The following NME7 variants were observed in gnomAD, a reference collection of about 807,000 sequenced individuals.
The protein encoded by NME7 is nucleoside diphosphate kinase 7.
Under a neutral mutation model 49.1 loss-of-function variants are expected in NME7, and 41 were observed. The observed-to-expected ratio is 0.83, with a 90% CI of 0.65 to 1.08. The LOEUF (loss-of-function observed/expected upper bound fraction) is 1.08. Among genes scored for constraint, NME7 ranks in the 50% least tolerant of loss-of-function variants. The pLI, the probability that NME7 is intolerant of heterozygous loss-of-function variation, is 0.00. For missense variants in NME7, 423 were observed against 463.4 expected (o/e 0.91, Z 0.80); for synonymous variants, 139 against 150.6 (o/e 0.92, Z 0.56).
intron 11 of NME7, among the ~76,000 whole-genome samples, chr1:169,149,106 C>G (rs1029320197): frequency 3.3e-5 from 5 of 152,122 alleles, no homozygotes; most frequent in Admixed American, 3.3e-4. Flanking sequence ...TTTGGGAGGC[C>G]GAGGTGGGTG....
At chr1:169,284,301 T>A (rs1012546703) in intron 7 of NME7, 2 of 152,152 alleles carry the variant, frequency 1.3e-5, no homozygotes, top group Non-Finnish European at 2.9e-5. Context: ...CTCCATCAGG[T>A]CATTCATGTT....
intron 5 of NME7, among the ~76,000 whole-genome samples, chr1:169,302,822 C>T (rs992591006): frequency 6.6e-6 from 1 of 152,000 alleles, no homozygotes; most frequent in Non-Finnish European, 1.5e-5. Context: ...AACACAAAAG[C>T]ATAATAAAAA....
intron 4 of NME7, among the ~76,000 whole-genome samples, chr1:169,308,958 G>A (rs1651284176): frequency 6.6e-6 from 1 of 151,970 alleles, no homozygotes; most frequent in African/African-American, 2.4e-5. Context: ...ATCATCTTTG[G>A]AAATCTCAAC....
intron 10 of NME7, among the ~76,000 whole-genome samples, chr1:169,225,917 T>A (rs61806244): frequency 0.24 from 37,260 of 152,158 alleles, 5,538 homozygotes; most frequent in Non-Finnish European, 0.34. Flanking sequence ...TTCTTGTGAA[T>A]CACTTTATAA....
Position 169,180,702 on chromosome 1 carries a change from T to C in NME7, c.991-11148A>G, listed in dbSNP as rs1045442777. ...TAAAATTGTCTAGTGGCCACATTAA[T>C]AAGAAGTGAAATTAATTTTAACAAA... On this transcript the variant is annotated intron_variant, in intron 10 of 11. Coordinates refer to ENST00000367811, the MANE Select transcript of NME7 (RefSeq NM_013330.5). Among the ~76,000 whole-genome samples the C allele has an allele frequency of 6.9e-4, 105 of 152,364 alleles. 1 individual carries two copies. The highest frequency in any genetic ancestry group is 2.3e-3 in the African/African-American group (97 of 41,590).
At chr1:169,156,548 TAG>T (rs1471359866) in intron 11 of NME7, among the ~76,000 whole-genome samples, 1 of 152,196 alleles carries the variant, frequency 6.6e-6, no homozygotes, top group African/African-American at 2.4e-5. Context: ...AAAATAATCC[TAG>T]AGTCTTCGGC....
chr1:169,332,692 T>C (rs2101948879), intron 1 of NME7, among the ~76,000 whole-genome samples: 1 of 152,190 alleles, frequency 6.6e-6, no homozygotes, highest in South Asian at 2.1e-4. Context: ...AAAGAAGACA[T>C]ACAAATGGAA....
chr1:169,258,495 C>A lies in NME7; in HGVS notation c.755-20808G>T, dbSNP rs573745066. Among the ~76,000 whole-genome samples, 25 of 122,264 alleles carry A rather than the reference C, an allele frequency of 2.0e-4. 4 individuals are homozygous for A. Among genetic ancestry groups the A allele is most frequent in the African/African-American group, 5.8e-4 (21 of 36,264 alleles). The allele number at this position is 122,264 out of a possible 152,430, so 80.2% of individuals were successfully genotyped here. ...CAACATTTTTTTTAATAAACAGGTA[C>A]GTTGATTTTTACTTATTCTAACTTT... is the stretch of plus-strand genomic sequence containing the variant. On this transcript the variant is annotated intron_variant, in intron 7 of 11. Transcript: ENST00000367811.
At position 169,256,070 on chromosome 1, in the gene NME7, T is replaced by C. The variant is rs1450766461; in HGVS notation, c.755-18383A>G. On this transcript the variant is annotated intron_variant, in intron 7 of 11. Transcript: ENST00000367811. ...GAGTTGCTCTTCTCGAGGAGTATCTTTGTGGCATTCTCTGTATTTCCTGAA... is the reference window on the plus strand; with the variant it reads ...GAGTTGCTCTTCTCGAGGAGTATCTCTGTGGCATTCTCTGTATTTCCTGAA... 1.5e-5 allele frequency among the ~76,000 whole-genome samples: 2 copies of C among 132,778 alleles called. 1 individual carries two copies. Among genetic ancestry groups the C allele is most frequent in the Non-Finnish European group, 3.5e-5 (2 of 56,624 alleles). 87.1% of individuals were successfully genotyped at this position (132,778 alleles called of 152,430 possible). A position where few individuals can be genotyped will look rare whatever the true frequency, so the allele number is the denominator to read the frequency against.
At chr1:169,237,805 A>G in intron 7 of NME7, 118 bp from the exon 8 acceptor site, 1 of 661,868 alleles carries the variant, frequency 1.5e-6, no homozygotes, top group Admixed American at 2.9e-5. Flanking sequence ...TTAAAAAAAC[A>G]CATATTTTGC....
At chr1:169,217,493 A>G (rs1478218846) in intron 10 of NME7, among the ~76,000 whole-genome samples, 1 of 152,234 alleles carries the variant, frequency 6.6e-6, no homozygotes, top group African/African-American at 2.4e-5. Context: ...AATTAATGCC[A>G]TCTGTTTCTC....
chr1:169,335,331 G>A (rs1031399102), intron 1 of NME7, among the ~76,000 whole-genome samples: 1 of 152,080 alleles, frequency 6.6e-6, no homozygotes, highest in African/African-American at 2.4e-5. Context: ...ATGATAGACT[G>A]GATAAAGAAA....
chr1:169,168,813 A>T (rs2101842972), intron 11 of NME7: 2 of 454,082 alleles, frequency 4.4e-6, no homozygotes, highest in Admixed American at 2.4e-5. Context: ...CATAATACAC[A>T]TTTTTTTCTA....
chr1:169,312,475 C>A (rs1005688228), intron 3 of NME7, among the ~76,000 whole-genome samples: 13 of 152,172 alleles, frequency 8.5e-5, no homozygotes, highest in Non-Finnish European at 1.8e-4. Context: ...CTGTAAGATG[C>A]AGCGTGAGAT....
intron 11 of NME7, among the ~76,000 whole-genome samples, chr1:169,152,088 A>G (rs557355284): frequency 1.3e-5 from 2 of 152,338 alleles, no homozygotes; most frequent in East Asian, 3.9e-4. Context: ...CTTAGCTGGG[A>G]TATCATTTAT....
At chr1:169,236,850 C>T (rs1647877285) in intron 8 of NME7, among the ~76,000 whole-genome samples, 1 of 151,426 alleles carries the variant, frequency 6.6e-6, no homozygotes. Flanking sequence ...ACAAATAATA[C>T]CAGTAAGAAA....
chr1:169,339,700 C>A (rs1327278572), intron 1 of NME7, among the ~76,000 whole-genome samples: 9 of 152,138 alleles, frequency 5.9e-5, no homozygotes, highest in Non-Finnish European at 1.3e-4. Flanking sequence ...TTTGTCTCTC[C>A]AGACCTTCAC....
intron 3 of NME7, among the ~76,000 whole-genome samples, chr1:169,317,707 G>A (rs1383909464): frequency 2.0e-5 from 3 of 152,184 alleles, no homozygotes; most frequent in East Asian, 1.9e-4. Context: ...CATCTGGTCT[G>A]TTCCCCGAGA....
rs560702007 is a variant in NME7, at chr1:169,281,329, TTATCAGCA to T, written c.754+5966_754+5973del. Among the ~76,000 whole-genome samples, 288 of 152,330 alleles carry T rather than the reference TTATCAGCA, an allele frequency of 1.9e-3. 2 individuals carry two copies. The highest frequency in any genetic ancestry group is 6.8e-3 in the African/African-American group (282 of 41,578). ...TATCCTGAGACTTTGCTGAAGTTGC[TTATCAGCA>T]TAAGGAGGTTTTGGGCTAAGACAAT... On this transcript the variant is annotated intron_variant, in intron 7 of 11. Transcript: ENST00000367811.
Sources: allele counts gnomAD v4.1 joint callset (sites outside exome capture counted in the v4.1 genomes callset), GRCh38; gene constraint gnomAD v4.1.1; transcripts MANE v1.5; gene names NCBI Gene and HGNC (gene_info 2026-07-23, HGNC 2026-07-21).